Variants in CALN1 observed in about 807,000 individuals in gnomAD.
The protein encoded by CALN1 is calneuron 1, also known as calcium-binding protein 8.
Under a neutral mutation model 30.6 loss-of-function variants are expected in CALN1, and 17 were observed. The ratio of observed to expected loss-of-function variants is 0.56; its 90% CI spans 0.38 to 0.83. The LOEUF (loss-of-function observed/expected upper bound fraction) is 0.83, where lower values mean the gene tolerates loss of function less well. Among genes scored for constraint, CALN1 ranks in the 40% least tolerant of loss-of-function variants. The pLI, the probability that CALN1 is intolerant of heterozygous loss-of-function variation, is 0.00. For missense variants in CALN1, 291 were observed against 354.9 expected (o/e 0.82, Z 1.45); for synonymous variants, 156 against 131.4 (o/e 1.19, Z -1.28).
intron 5 of CALN1, among the ~76,000 whole-genome samples, chr7:72,014,508 G>A (rs1800270176): frequency 1.3e-5 from 2 of 152,140 alleles, no homozygotes; most frequent in Non-Finnish European, 2.9e-5. Flanking sequence ...TTTCCGGTGA[G>A]GTCGAGCTGT....
intron 3 of CALN1, among the ~76,000 whole-genome samples, chr7:72,127,867 G>C (rs1808875163): frequency 6.6e-6 from 1 of 152,078 alleles, no homozygotes; most frequent in African/African-American, 2.4e-5. Flanking sequence ...GATAACTAGA[G>C]AAATTTAATT....
At position 72,052,027 on chromosome 7, in the gene CALN1, A is replaced by G. The variant is rs373849291; in HGVS notation, c.389-28258T>C. ...AATGTTGTTTTCTGTGTTCTGGCCA[A>G]TATTATGACTTGAGATACAAGTGAG... On this transcript the variant is annotated intron_variant, in intron 4 of 6. Coordinates refer to ENST00000395275, the MANE Select transcript of CALN1 (RefSeq NM_031468.4). Among the ~76,000 whole-genome samples the G allele has an allele frequency of 2.6e-4, 39 of 152,288 alleles. No homozygotes were observed. The East Asian group carries it at 3.7e-3, about 14-fold the overall frequency.
At chr7:72,311,394 C>G (rs907495338) in intron 2 of CALN1, among the ~76,000 whole-genome samples, 6 of 152,088 alleles carry the variant, frequency 3.9e-5, no homozygotes, top group Non-Finnish European at 1.5e-5. Flanking sequence ...TGGGGGGAGT[C>G]AAAAGTTATG....
At chr7:72,206,827 A>G (rs1256786590) in intron 3 of CALN1, among the ~76,000 whole-genome samples, 1 of 152,194 alleles carries the variant, frequency 6.6e-6, no homozygotes, top group Admixed American at 6.6e-5. Flanking sequence ...CTTTAATAAG[A>G]ATGGATTTAT....
At chr7:72,277,903 C>G (rs1797443070) in intron 3 of CALN1, among the ~76,000 whole-genome samples, 2 of 149,630 alleles carry the variant, frequency 1.3e-5, no homozygotes, top group South Asian at 4.2e-4. Context: ...TTATTACAAA[C>G]AACAAAGTAT....
chr7:71,878,457 T>C (rs1405839588), intron 5 of CALN1, among the ~76,000 whole-genome samples: 1 of 151,570 alleles, frequency 6.6e-6, no homozygotes, highest in Non-Finnish European at 1.5e-5. Flanking sequence ...TAGTTTCTCA[T>C]GGACCAGCTG....
chr7:71,978,903 T>G (rs558872828), intron 5 of CALN1, among the ~76,000 whole-genome samples: 1 of 152,240 alleles, frequency 6.6e-6, no homozygotes, highest in South Asian at 2.1e-4. Context: ...TCTCTTACAT[T>G]TCTGTATGTC....
chr7:71,858,219 C>T (rs1166481189), intron 5 of CALN1, among the ~76,000 whole-genome samples: 1 of 152,160 alleles, frequency 6.6e-6, no homozygotes, highest in African/African-American at 2.4e-5. Flanking sequence ...TGACTTCACT[C>T]ATTCTTCTCC....
At chr7:72,405,352 A>G (rs773872727) in intron 1 of CALN1, among the ~76,000 whole-genome samples, 4 of 152,180 alleles carry the variant, frequency 2.6e-5, no homozygotes, top group Non-Finnish European at 5.9e-5. Context: ...TAACACTCAT[A>G]GCCTAGGGAT....
At chr7:72,336,187 G>A (rs1246372413) in intron 2 of CALN1, among the ~76,000 whole-genome samples, 2 of 152,114 alleles carry the variant, frequency 1.3e-5, no homozygotes, top group Non-Finnish European at 2.9e-5. Flanking sequence ...GGCCGGAGGT[G>A]GAGAGAACCC....
Position 71,917,250 on chromosome 7 carries a change from G to C in CALN1, c.501+106407C>G, listed in dbSNP as rs527531059. On this transcript the variant is annotated intron_variant, in intron 5 of 6. Coordinates refer to ENST00000395275, the MANE Select transcript of CALN1 (RefSeq NM_031468.4). ...TTTCAGAAACAACAGGATGAGGCAG[G>C]TTGCCAGAGGTCAAAGGGTGGTAGA... Among the ~76,000 whole-genome samples, 44 of 152,308 alleles carry C rather than the reference G, an allele frequency of 2.9e-4. No individual in the cohort carries two copies. The East Asian group carries it at 8.3e-3, about 29-fold the overall frequency.
At chr7:71,847,607 A>T (rs756581510) in intron 5 of CALN1, among the ~76,000 whole-genome samples, 15 of 151,468 alleles carry the variant, frequency 9.9e-5, no homozygotes, top group Non-Finnish European at 1.9e-4. Flanking sequence ...TCTTGAACCC[A>T]GGGGGCAGAG....
At chr7:72,216,789 T>TC (rs1235969883) in intron 3 of CALN1, among the ~76,000 whole-genome samples, 1 of 152,162 alleles carries the variant, frequency 6.6e-6, no homozygotes, top group Non-Finnish European at 1.5e-5. Context: ...TCTTGCTCTG[T>TC]CACCCAGGCT....
intron 2 of CALN1, among the ~76,000 whole-genome samples, chr7:72,285,637 C>T (rs1798036133): frequency 6.6e-6 from 1 of 152,154 alleles, no homozygotes; most frequent in Non-Finnish European, 1.5e-5. Context: ...AGAAGCACAG[C>T]TCTAAAGTAT....
At chr7:72,083,851 G>C (rs1343031633) in intron 4 of CALN1, among the ~76,000 whole-genome samples, 1 of 149,092 alleles carries the variant, frequency 6.7e-6, no homozygotes, top group Non-Finnish European at 1.5e-5. Flanking sequence ...CCATATCTAA[G>C]TACAGCACAG....
chr7:72,161,930 A>G (rs960053114), intron 3 of CALN1, among the ~76,000 whole-genome samples: 3 of 151,994 alleles, frequency 2.0e-5, no homozygotes, highest in Admixed American at 1.3e-4. Flanking sequence ...CTTGAACAAA[A>G]AAAGAAAAAA....
At chr7:72,121,572 T>C (rs1808396421) in intron 3 of CALN1, among the ~76,000 whole-genome samples, 1 of 148,710 alleles carries the variant, frequency 6.7e-6, no homozygotes, top group African/African-American at 2.4e-5. Context: ...ACTGTCTCTT[T>C]AGAGGAAATA....
At chr7:72,167,933 G>T (rs1788644549) in intron 3 of CALN1, among the ~76,000 whole-genome samples, 1 of 152,170 alleles carries the variant, frequency 6.6e-6, no homozygotes, top group African/African-American at 2.4e-5. Context: ...GTCAAAGCAG[G>T]ATACGGAAGA....
At chr7:72,213,634 G>A (rs17502576) in intron 3 of CALN1, among the ~76,000 whole-genome samples, 24,621 of 152,168 alleles carry the variant, frequency 0.16, 2,112 homozygotes, top group Admixed American at 0.21. Flanking sequence ...GTTTATTTGG[G>A]GAATAGCATT....
Sources: gnomAD v4.1 joint callset for allele counts (sites outside exome capture counted in the v4.1 genomes callset) on GRCh38, gnomAD v4.1.1 for gene constraint, MANE v1.5 for transcripts, NCBI Gene and HGNC (gene_info 2026-07-23, HGNC 2026-07-21) for gene names.